Variants in CERS5 observed in about 807,000 individuals in gnomAD.
CERS5 encodes the protein LAG1 homolog, ceramide synthase 5.
A neutral mutation model predicts 58.9 loss-of-function variants in CERS5; 37 were observed. The observed-to-expected ratio is 0.63, with a 90% CI of 0.48 to 0.83. The LOEUF (loss-of-function observed/expected upper bound fraction) is 0.83. Among genes scored for constraint, CERS5 ranks in the 40% least tolerant of loss-of-function variants. The pLI, the probability that CERS5 is intolerant of heterozygous loss-of-function variation, is 0.00. For missense variants in CERS5, 398 were observed against 489.3 expected (o/e 0.81, Z 1.76); for synonymous variants, 147 against 177.8 (o/e 0.83, Z 1.38).
At chr12:50,133,110 T>C (rs1951429111) in intron 9 of CERS5, 6 of 1,280,028 alleles carry the variant, frequency 4.7e-6, no homozygotes, top group Non-Finnish European at 5.1e-6. Flanking sequence ...GTCCAGTAGC[T>C]ACAGCAAGAT....
intron 1 of CERS5, among the ~76,000 whole-genome samples, chr12:50,161,851 T>C (rs1359899948): frequency 7.3e-6 from 1 of 136,164 alleles, no homozygotes; most frequent in Non-Finnish European, 1.5e-5. Flanking sequence ...ACAGGATGAA[T>C]ACAGATTTGT....
intron 6 of CERS5, 53 bp from the exon 7 acceptor site, chr12:50,136,122 C>A: frequency 7.0e-7 from 1 of 1,429,956 alleles, no homozygotes; most frequent in Non-Finnish European, 9.3e-7. Context: ...CCTAGAAACA[C>A]CAGCCAACCC....
chr12:50,143,210 A>G lies in CERS5; in HGVS notation c.304-6T>C, dbSNP rs1360841166. 1.2e-6 allele frequency: 2 copies of G among 1,613,962 alleles called. No individual in the cohort carries two copies. Among genetic ancestry groups the G allele is most frequent in the Admixed American group, 3.3e-5 (2 of 59,986 alleles). ...AGCCTTTTCTTATCAGGATACTGTGAATGTATAACCAGAGTCAGAACACCC... is the reference window on the plus strand; with the variant it reads ...AGCCTTTTCTTATCAGGATACTGTGGATGTATAACCAGAGTCAGAACACCC... On this transcript the variant is annotated splice_polypyrimidine_tract_variant and splice_region_variant and intron_variant, in intron 2 of 9. Coordinates refer to ENST00000317551, the MANE Select transcript of CERS5 (RefSeq NM_147190.5).
intron 3 of CERS5, among the ~76,000 whole-genome samples, chr12:50,142,593 G>A (rs183723109): frequency 2.0e-5 from 3 of 149,686 alleles, no homozygotes; most frequent in Non-Finnish European, 4.4e-5. Context: ...CTTTCATTAG[G>A]AAAATATTAG....
intron 6 of CERS5, among the ~76,000 whole-genome samples, chr12:50,136,909 T>A (rs1219260167): frequency 6.6e-6 from 1 of 152,218 alleles, no homozygotes; most frequent in Non-Finnish European, 1.5e-5. Flanking sequence ...AACTTTCTTA[T>A]ATGTATCACA....
In CERS5 at chr12:50,152,460, G is replaced by A. The variant is rs187190684; in HGVS notation, c.198-8403C>T. Among the ~76,000 whole-genome samples, 457 of 152,314 alleles carry A rather than the reference G, an allele frequency of 3.0e-3. 2 individuals carry two copies. Among genetic ancestry groups the A allele is most frequent in the African/African-American group, 0.011 (440 of 41,568 alleles). The stretch of plus-strand genomic sequence containing the variant: ...AATATATTTTTTAAAAGTATTCTGT[G>A]ATTGGGCACAGTGGCTTATGCCTGT... On this transcript the variant is annotated intron_variant, in intron 1 of 9. Transcript: ENST00000317551.
chr12:50,144,909 G>A lies in CERS5; in HGVS notation c.198-852C>T, dbSNP rs1032705893. On this transcript the variant is annotated intron_variant, in intron 1 of 9. Coordinates refer to ENST00000317551, the MANE Select transcript of CERS5 (RefSeq NM_147190.5). ...CCAGCACTTTGGGAGGCTGAGGCAG[G>A]AGGATCACAAGGTCAGGAGTTGGAG... is the stretch of plus-strand genomic sequence containing the variant. 4.3e-5 allele frequency: 26 copies of A among 603,166 alleles called. No individual in the cohort carries two copies. The African/African-American group carries it at 4.3e-4, about 10-fold the overall frequency. The allele number at this position is 603,166 out of a possible 1,614,324, so 37.4% of individuals were successfully genotyped here. A position where few individuals can be genotyped will look rare whatever the true frequency, so the allele number is the denominator to read the frequency against.
chr12:50,166,947 C>G (rs532011324), intron 1 of CERS5, among the ~76,000 whole-genome samples, 154 bp downstream of exon 1: 1 of 152,334 alleles, frequency 6.6e-6, no homozygotes, highest in Admixed American at 6.5e-5. Flanking sequence ...ACCACCTCGC[C>G]CACGCGCCTA....
chr12:50,153,652 G>A (rs1938234559), intron 1 of CERS5, among the ~76,000 whole-genome samples: 1 of 152,076 alleles, frequency 6.6e-6, no homozygotes, highest in South Asian at 2.1e-4. Context: ...GATACATGAT[G>A]TCCATTCAAA....
At chr12:50,164,869 A>T (rs1939693986) in intron 1 of CERS5, among the ~76,000 whole-genome samples, 1 of 152,132 alleles carries the variant, frequency 6.6e-6, no homozygotes, top group Non-Finnish European at 1.5e-5. Flanking sequence ...TACCACTAAC[A>T]TGGGGAAATT....
rs139405697 is a variant in CERS5 at position 50,130,562 on chromosome 12, A to G, written c.1162T>C (p.Tyr388His). The change falls in exon 10 of 10, where the codon TAC becomes CAC. Residue 388 changes from tyrosine to histidine, a missense_variant. Physicochemically the swap from Tyr to His is moderately conservative, Grantham distance 83. Coordinates refer to ENST00000317551, the MANE Select transcript of CERS5 (RefSeq NM_147190.5). The part of the protein sequence containing the change: ...NRVNGHMGGS[Y>H]WAEE ...CAACCACCTTACTCTTCAGCCCAGT[A>G]GCTGCCTCCCATGTGACCATTCACC... The G allele has an allele frequency of 8.1e-6, 13 of 1,608,222 alleles. No homozygotes were observed. The African/African-American group carries it at 1.5e-4, about 18-fold the overall frequency.
intron 1 of CERS5, among the ~76,000 whole-genome samples, chr12:50,152,046 C>T (rs117077556): frequency 0.017 from 2,574 of 152,204 alleles, 37 homozygotes; most frequent in Non-Finnish European, 0.027. Context: ...ATGGTGTTTC[C>T]TCAGGGTTCA....
At chr12:50,136,154 A>G (rs1477890472) in intron 6 of CERS5, 85 bp from the exon 7 acceptor site, 5 of 1,205,538 alleles carry the variant, frequency 4.1e-6, no homozygotes, top group Non-Finnish European at 5.6e-6. Flanking sequence ...TTATTCTCTA[A>G]GAATCTTACC....
Position 50,153,646 on chromosome 12 carries a change from C to T in CERS5, c.198-9589G>A, listed in dbSNP as rs187073013. On this transcript the variant is annotated intron_variant, in intron 1 of 9. Transcript: ENST00000317551. ...ACCAGTATTTTCCAAATGATGGATA[C>T]ATGATGTCCATTCAAACTGTAATAT... is the stretch of plus-strand genomic sequence containing the variant. Among the ~76,000 whole-genome samples, 220 of 152,168 alleles carry T rather than the reference C, an allele frequency of 1.4e-3. 1 individual carries two copies. The highest frequency in any genetic ancestry group is 2.3e-3 in the Non-Finnish European group (155 of 68,012).
chr12:50,155,710 C>CT (rs1938496995), intron 1 of CERS5, among the ~76,000 whole-genome samples: 1 of 113,902 alleles, frequency 8.8e-6, no homozygotes, highest in Non-Finnish European at 1.6e-5. Flanking sequence ...GCACTCCAGC[C>CT]TGGGCGACAG....
At position 50,142,060 on chromosome 12, in the gene CERS5, A is replaced by G; in HGVS notation, c.485T>C (p.Leu162Pro). The change falls in exon 4 of 10, where the codon CTC becomes CCC. Residue 162 changes from leucine (L) to proline (P), a missense_variant. Leu to Pro is a moderately conservative substitution (Grantham distance 98, BLOSUM62 -3). Around this residue, in one of 3 missense-constraint regions of CERS5, gnomAD observed 328 missense variants for 384.5 expected, o/e 0.85. Transcript: ENST00000317551. Reference protein sequence around the residue: ...LCIFCYGIRFLWSSPWFWDIR... With the variant: ...LCIFCYGIRFPWSSPWFWDIR... Reference sequence around the variant, plus strand: ...GAGAAAGTTAAGACTCACCGACCAGAGAAATCTAATTCCATAGCAGAATAT... The same window carrying G: ...GAGAAAGTTAAGACTCACCGACCAGGGAAATCTAATTCCATAGCAGAATAT... 6.3e-7 allele frequency: 1 copy of G among 1,597,718 alleles called. No homozygotes were observed. Among genetic ancestry groups the G allele is most frequent in the Non-Finnish European group, 8.6e-7 (1 of 1,165,380 alleles).
rs78661003 is a variant in CERS5, at chr12:50,144,093, A to T, written c.198-36T>A. 2,401 of 1,256,950 alleles carry T rather than the reference A, an allele frequency of 1.9e-3. 41 individuals are homozygous for T. The African/African-American group carries it at 0.031, about 16-fold the overall frequency. The allele number at this position is 1,256,950 out of a possible 1,614,324, so 77.9% of individuals were successfully genotyped here. A position where few individuals can be genotyped will look rare whatever the true frequency, so the allele number is the denominator to read the frequency against. Reference sequence around the variant, plus strand: ...GAAAACCCACGGGCCAATTCTTTTTAAAAAAATTTTATTTATAGTTGACAC... The same window carrying T: ...GAAAACCCACGGGCCAATTCTTTTTTAAAAAATTTTATTTATAGTTGACAC... On this transcript the variant is annotated intron_variant, in intron 1 of 9. Transcript: ENST00000317551.
chr12:50,151,738 C>T (rs1392425903), intron 1 of CERS5, among the ~76,000 whole-genome samples: 1 of 152,160 alleles, frequency 6.6e-6, no homozygotes, highest in Admixed American at 6.5e-5. Context: ...CTGCAACCTC[C>T]ACCTCCCAGG....
chr12:50,144,979 CA>C (rs566387773), intron 1 of CERS5: 407 of 305,752 alleles, frequency 1.3e-3, no homozygotes, highest in Middle Eastern at 3.0e-3. Flanking sequence ...ACTAAAAATA[CA>C]AAAAAAAATT....
Sources: gnomAD v4.1 joint callset for allele counts (sites outside exome capture counted in the v4.1 genomes callset) on GRCh38, gnomAD v4.1.1 for gene constraint, gnomAD v4.1.1 regional missense constraint, MANE v1.5 for transcripts, NCBI Gene and HGNC (gene_info 2026-07-23, HGNC 2026-07-21) for gene names.